The following PHF24 variants were observed in gnomAD, a reference collection of about 807,000 sequenced individuals.
The protein encoded by PHF24 is Galpha inhibitory interacting protein.
In PHF24, 25 loss-of-function variants were observed where a neutral mutation model predicts 42.6. The observed-to-expected ratio is 0.59, with a 90% CI of 0.43 to 0.82. The LOEUF (loss-of-function observed/expected upper bound fraction) is 0.82, where lower values mean the gene tolerates loss of function less well. Ranked by LOEUF, PHF24 falls within the 40% of genes least tolerant of loss-of-function variation. PHF24 has a pLI of 0.00. For missense variants in PHF24, 470 were observed against 538.1 expected, an observed-to-expected ratio of 0.87 and a Z score of 1.25; for synonymous variants, 185 against 204.8, an observed-to-expected ratio of 0.90 and a Z score of 0.83.
chr9:34,675,634 C>A, the PHF24 span, among the ~76,000 whole-genome samples: 782 of 152,242 alleles, frequency 5.1e-3, 7 homozygotes, highest in African/African-American at 0.018. Flanking sequence ...CCCTTCCCTG[C>A]GTCCTATCCC....
the PHF24 span, among the ~76,000 whole-genome samples, chr9:34,711,743 A>G: frequency 6.6e-6 from 1 of 151,910 alleles, no homozygotes; most frequent in Non-Finnish European, 1.5e-5. Context: ...GGGTTTCACC[A>G]TGTTGGCCTG....
upstream of PHF24, among the ~76,000 whole-genome samples, chr9:34,957,025 C>T (rs1018249462): frequency 6.6e-6 from 1 of 152,188 alleles, no homozygotes; most frequent in Non-Finnish European, 1.5e-5. Context: ...GCCTCAGTTT[C>T]ATCACTGGCA....
At chr9:34,777,569 G>T in the PHF24 span, among the ~76,000 whole-genome samples, 1 of 152,172 alleles carries the variant, frequency 6.6e-6, no homozygotes, top group Admixed American at 6.5e-5. Flanking sequence ...GAAAATGCAT[G>T]CCTCTCACAT....
chr9:34,759,640 T>C, the PHF24 span, among the ~76,000 whole-genome samples: 1 of 152,268 alleles, frequency 6.6e-6, no homozygotes, highest in South Asian at 2.1e-4. Context: ...CTGCCCTCTA[T>C]GTGGCTGTAA....
the PHF24 span, among the ~76,000 whole-genome samples, chr9:34,720,092 A>G: frequency 6.6e-6 from 1 of 152,276 alleles, no homozygotes; most frequent in East Asian, 1.9e-4. Context: ...CCTAGTGATG[A>G]GATGGTGAGT....
At chr9:34,836,025 A>T in the PHF24 span, 1 of 642,216 alleles carries the variant, frequency 1.6e-6, no homozygotes, top group South Asian at 1.5e-5. Flanking sequence ...TTCGCCGCAC[A>T]CTTCCCTCTG....
At chr9:34,918,172 A>G in the PHF24 span, 2 of 1,487,810 alleles carry the variant, frequency 1.3e-6, no homozygotes, top group Non-Finnish European at 1.9e-6. Context: ...GGCCAGGAGA[A>G]GAAGGGTTAC....
At chr9:34,864,347 A>G in the PHF24 span, among the ~76,000 whole-genome samples, 2 of 152,208 alleles carry the variant, frequency 1.3e-5, no homozygotes, top group East Asian at 1.9e-4. Context: ...TCCTCAAGGC[A>G]TCTAATGAAC....
chr9:34,972,489 G>A lies in PHF24; in HGVS notation c.522G>A (p.Thr174=), dbSNP rs374447849. 193 of 1,613,550 alleles carry A rather than the reference G, an allele frequency of 1.2e-4. No homozygotes were observed. The East Asian group carries it at 1.3e-3, about 11-fold the overall frequency. The change falls in exon 3 of 8, where the codon ACG becomes ACA. Residue 174 remains threonine, a synonymous_variant. Transcript: ENST00000242315. ...AAGGAGACAGTGCAGCGGAGGTGAC[G>A]GAGATGGCCCACACAGAAACAGGCT...
At chr9:34,815,034 A>T in the PHF24 span, among the ~76,000 whole-genome samples, 2 of 152,154 alleles carry the variant, frequency 1.3e-5, no homozygotes, top group African/African-American at 4.8e-5. Flanking sequence ...GCTTGGCACA[A>T]TTCTTGACAA....
the PHF24 span, among the ~76,000 whole-genome samples, chr9:34,807,407 G>A: frequency 2.0e-5 from 3 of 152,232 alleles, no homozygotes; most frequent in African/African-American, 7.2e-5. Context: ...CATTGAAAGA[G>A]CTCACTCAAG....
the PHF24 span, among the ~76,000 whole-genome samples, chr9:34,673,954 C>G: frequency 6.6e-6 from 1 of 152,116 alleles, no homozygotes; most frequent in Non-Finnish European, 1.5e-5. Context: ...CAGAATTTCC[C>G]CATGTTGCCC....
the PHF24 span, among the ~76,000 whole-genome samples, chr9:34,881,182 C>T: frequency 5.9e-5 from 9 of 152,070 alleles, no homozygotes; most frequent in Admixed American, 5.9e-4. Context: ...ACCCAACATA[C>T]CAGAATCTCT....
chr9:34,861,631 A>G, the PHF24 span, among the ~76,000 whole-genome samples: 1 of 152,230 alleles, frequency 6.6e-6, no homozygotes, highest in African/African-American at 2.4e-5. Flanking sequence ...ATAATAATGT[A>G]TATAACCCAT....
chr9:34,694,320 C>T, the PHF24 span, among the ~76,000 whole-genome samples: 1 of 151,774 alleles, frequency 6.6e-6, no homozygotes, highest in African/African-American at 2.4e-5. Context: ...GAGGCACGCA[C>T]CACCACGCTT....
At chr9:34,859,797 T>C in the PHF24 span, among the ~76,000 whole-genome samples, 1 of 152,182 alleles carries the variant, frequency 6.6e-6, no homozygotes, top group African/African-American at 2.4e-5. Flanking sequence ...CAGTGTCCCA[T>C]TTATTATGAT....
the PHF24 span, among the ~76,000 whole-genome samples, chr9:34,749,924 A>G: frequency 6.6e-6 from 1 of 152,164 alleles, no homozygotes; most frequent in Non-Finnish European, 1.5e-5. Context: ...GGAGAGAATA[A>G]TATGACATAT....
rs995635742 is a variant in PHF24, at chr9:34,958,914, A to G, written c.-5+513A>G. On this transcript the variant is annotated intron_variant, in intron 1 of 7. Coordinates refer to ENST00000242315, the Ensembl canonical transcript of PHF24. This position sits in a 1 kb window ranked among gnomAD's most constrained non-coding sequence, Gnocchi z 4.5. Reference sequence around the variant, plus strand: ...CCATGGGATCCATGAGTGACTTCCCACGGCTCCAAGGACTTTGGCCTCCAC... The same window carrying G: ...CCATGGGATCCATGAGTGACTTCCCGCGGCTCCAAGGACTTTGGCCTCCAC... 6.6e-6 allele frequency among the ~76,000 whole-genome samples: 1 copy of G among 152,146 alleles called. No homozygotes were observed. The highest frequency in any genetic ancestry group is 1.5e-5 in the Non-Finnish European group (1 of 67,998).
chr9:34,917,949 A>C, the PHF24 span: 1 of 1,560,720 alleles, frequency 6.4e-7, no homozygotes, highest in Non-Finnish European at 8.8e-7. Flanking sequence ...CTTTAGCACC[A>C]AGGCCATGTG....
Sources: allele counts gnomAD v4.1 joint callset (sites outside exome capture counted in the v4.1 genomes callset), GRCh38; gene constraint gnomAD v4.1.1; non-coding constraint Gnocchi (gnomAD v3.1); transcripts MANE v1.5; gene names NCBI Gene and HGNC (gene_info 2026-07-23, HGNC 2026-07-21).